PPP4R1: variants seen among roughly 807,000 people sequenced by gnomAD.
PPP4R1 encodes the protein serine/threonine-protein phosphatase 4 regulatory subunit 1.
Under a neutral mutation model 111.2 loss-of-function variants are expected in PPP4R1, and 42 were observed. The ratio of observed to expected loss-of-function variants is 0.38; its 90% CI spans 0.29 to 0.49. PPP4R1 has a LOEUF of 0.49. Among genes scored for constraint, PPP4R1 ranks in the 20% least tolerant of loss-of-function variants. PPP4R1 has a pLI of 0.97. For synonymous variants in PPP4R1, 409 were observed against 405.5 expected, an observed-to-expected ratio of 1.01 and a Z score of -0.10; for missense variants, 1,012 against 1,161.6, an observed-to-expected ratio of 0.87 and a Z score of 1.87.
In PPP4R1 at chr18:9,614,549, G is replaced by A. The variant is rs939089128; in HGVS notation, c.-65C>T. 21 of 992,332 alleles carry A rather than the reference G, an allele frequency of 2.1e-5. No individual in the cohort carries two copies. The highest frequency in any genetic ancestry group is 2.4e-5 in the Non-Finnish European group (20 of 834,394). 61.5% of individuals were successfully genotyped at this position (992,332 alleles called of 1,614,324 possible). A position where few individuals can be genotyped will look rare whatever the true frequency, so the allele number is the denominator to read the frequency against. ...GGGGCTACATGGAGCGGCGCGAGCC[G>A]GGGAGCCGGTGGACGCGCGCGGGAG... On this transcript the variant is annotated 5_prime_UTR_variant, in exon 1 of 20. Coordinates refer to ENST00000400556, the MANE Select transcript of PPP4R1 (RefSeq NM_001042388.3). The surrounding 1 kb of genome is among the most constrained non-coding windows in gnomAD (Gnocchi z 4.1).
At chr18:9,595,990 C>T (rs1036139035) in intron 2 of PPP4R1, among the ~76,000 whole-genome samples, 3 of 151,928 alleles carry the variant, frequency 2.0e-5, no homozygotes, top group Non-Finnish European at 2.9e-5. Context: ...GCATGAAAGC[C>T]GAGAAGCCAA....
intron 2 of PPP4R1, among the ~76,000 whole-genome samples, chr18:9,605,273 T>A (rs1157288630): frequency 6.6e-6 from 1 of 151,888 alleles, no homozygotes; most frequent in Non-Finnish European, 1.5e-5. Flanking sequence ...AACAAATGAA[T>A]AGGGAGGAAG....
intron 4 of PPP4R1, among the ~76,000 whole-genome samples, chr18:9,590,978 T>C (rs538969751): frequency 6.6e-6 from 1 of 152,250 alleles, no homozygotes; most frequent in Non-Finnish European, 1.5e-5. Flanking sequence ...ATACGGCTCA[T>C]ATGCAGAATG....
chr18:9,587,042 C>T (rs1279708223), intron 6 of PPP4R1, among the ~76,000 whole-genome samples: 2 of 152,146 alleles, frequency 1.3e-5, no homozygotes, highest in African/African-American at 2.4e-5. Flanking sequence ...AATGTACTTG[C>T]CTGACCATCC....
chr18:9,585,032 A>C (rs1435354656), intron 6 of PPP4R1, among the ~76,000 whole-genome samples: 1 of 152,196 alleles, frequency 6.6e-6, no homozygotes, highest in African/African-American at 2.4e-5. Context: ...TATTAACCAC[A>C]ATCAATAAAA....
At chr18:9,563,267 A>G (rs1277786012) in intron 12 of PPP4R1, 111 bp downstream of exon 12, 1 of 1,324,592 alleles carries the variant, frequency 7.5e-7, no homozygotes, top group Non-Finnish European at 1.0e-6. Context: ...CTAAAAAATC[A>G]GCAACAAACA....
chr18:9,599,052 A>T (rs1479804448), intron 2 of PPP4R1, among the ~76,000 whole-genome samples: 1 of 152,054 alleles, frequency 6.6e-6, no homozygotes, highest in East Asian at 1.9e-4. Flanking sequence ...GAAAAAAAAA[A>T]GGTTAATATG....
Position 9,567,976 on chromosome 18 carries a change from A to AT in PPP4R1, c.1573+2180dup, listed in dbSNP as rs199532466. Among the ~76,000 whole-genome samples, 352 of 151,474 alleles carry AT rather than the reference A, an allele frequency of 2.3e-3. 2 individuals carry two copies. Among genetic ancestry groups the AT allele is most frequent in the African/African-American group, 6.4e-3 (263 of 41,318 alleles). On this transcript the variant is annotated intron_variant, in intron 11 of 19. Coordinates refer to ENST00000400556, the MANE Select transcript of PPP4R1 (RefSeq NM_001042388.3). ...GTATTTTTTCAATGAAGGTATGTGC[A>AT]TTTTTTTTTAGACAAAATGCTATCA... is the stretch of plus-strand genomic sequence containing the variant.
intron 11 of PPP4R1, among the ~76,000 whole-genome samples, chr18:9,567,950 A>G (rs907993586): frequency 6.6e-6 from 1 of 152,204 alleles, no homozygotes; most frequent in Non-Finnish European, 1.5e-5. Flanking sequence ...AGCATTTTTT[A>G]GTATTTTTTC....
chr18:9,547,775 G>A lies in PPP4R1; in HGVS notation c.*14C>T, dbSNP rs192699370. On this transcript the variant is annotated 3_prime_UTR_variant, in exon 20 of 20. Coordinates refer to ENST00000400556, the MANE Select transcript of PPP4R1 (RefSeq NM_001042388.3). The stretch of plus-strand genomic sequence containing the variant: ...CTCTCATGGAAGCAGGAAAGACACC[G>A]AGATTCAAGCCTTCTAGTAGGTTGA... The A allele has an allele frequency of 3.7e-5, 60 of 1,612,010 alleles. No individual in the cohort carries two copies. Among genetic ancestry groups the A allele is most frequent in the Non-Finnish European group, 4.2e-5 (50 of 1,179,510 alleles).
chr18:9,584,399 T>C, intron 8 of PPP4R1, 116 bp downstream of exon 8: 1 of 828,830 alleles, frequency 1.2e-6, no homozygotes, highest in Non-Finnish European at 1.8e-6. Flanking sequence ...ATTATCTTTC[T>C]GGTTTATATT....
At chr18:9,603,626 G>GC (rs2067429442) in intron 2 of PPP4R1, among the ~76,000 whole-genome samples, 1 of 151,858 alleles carries the variant, frequency 6.6e-6, no homozygotes, top group Admixed American at 6.6e-5. Flanking sequence ...GACTACAAGT[G>GC]CATGTGCCAC....
chr18:9,550,343 GTAAA>G lies in PPP4R1; in HGVS notation c.2343_2346del (p.Leu782ValfsTer5), dbSNP rs1568081094. The G allele has an allele frequency of 6.2e-7, 1 of 1,610,762 alleles. No homozygotes were observed. On this transcript the variant is annotated frameshift_variant, in exon 17 of 20. Coordinates refer to ENST00000400556, the MANE Select transcript of PPP4R1 (RefSeq NM_001042388.3). LOFTEE classifies it high-confidence loss of function. ...GCACACAGATTCAGAGCAATGGGAC[GTAAA>G]TAGTCATAAACATCTCTGGGACTAT...
intron 6 of PPP4R1, among the ~76,000 whole-genome samples, chr18:9,586,970 G>C (rs186036991): frequency 2.2e-4 from 34 of 152,132 alleles, no homozygotes; most frequent in Middle Eastern, 6.8e-3. Context: ...TATGATGTGC[G>C]TAATGACTTA....
chr18:9,605,013 C>G (rs543994550), intron 2 of PPP4R1, among the ~76,000 whole-genome samples: 1 of 152,250 alleles, frequency 6.6e-6, no homozygotes, highest in East Asian at 1.9e-4. Context: ...AAACTTTTAT[C>G]AAAATTGATC....
intron 6 of PPP4R1, among the ~76,000 whole-genome samples, chr18:9,586,615 G>C (rs1221910454): frequency 6.6e-6 from 1 of 152,028 alleles, no homozygotes; most frequent in African/African-American, 2.4e-5. Flanking sequence ...AATTCTTCAA[G>C]GGAAAGAGAC....
chr18:9,567,710 T>A (rs1306282352), intron 11 of PPP4R1, among the ~76,000 whole-genome samples: 1 of 152,214 alleles, frequency 6.6e-6, no homozygotes, highest in Non-Finnish European at 1.5e-5. Flanking sequence ...TAAAGATGTC[T>A]CCTGCAGGTA....
chr18:9,562,951 C>G, intron 12 of PPP4R1: 1 of 996,658 alleles, frequency 1.0e-6, no homozygotes. Context: ...GATAATGTCA[C>G]TGGCCCTCCG....
rs2067635510 is a variant in PPP4R1 at position 9,614,015 on chromosome 18, C to T, written c.52+211G>A. The T allele has an allele frequency of 3.2e-6, 1 of 314,064 alleles. No homozygotes were observed. The highest frequency in any genetic ancestry group is 2.2e-5 in the African/African-American group (1 of 45,308). 19.5% of individuals were successfully genotyped at this position (314,064 alleles called of 1,614,324 possible). A position where few individuals can be genotyped will look rare whatever the true frequency, so the allele number is the denominator to read the frequency against. ...GCGGAAAGCGAACTTGGGCGTTACT[C>T]CGGGCGTCTCCCTCCCCCAGCGGAA... On this transcript the variant is annotated intron_variant, in intron 2 of 19. Coordinates refer to ENST00000400556, the MANE Select transcript of PPP4R1 (RefSeq NM_001042388.3). This position sits in a 1 kb window ranked among gnomAD's most constrained non-coding sequence, Gnocchi z 4.1.
Sources: gnomAD v4.1 joint callset for allele counts (sites outside exome capture counted in the v4.1 genomes callset) on GRCh38, gnomAD v4.1.1 for gene constraint, Gnocchi (gnomAD v3.1) non-coding constraint, MANE v1.5 for transcripts, NCBI Gene and HGNC (gene_info 2026-07-23, HGNC 2026-07-21) for gene names.